The following ZBTB41 variants were observed in gnomAD, a reference collection of about 807,000 sequenced individuals.
The protein encoded by ZBTB41 is zinc finger and BTB domain containing 41.
Under a neutral mutation model 87.6 loss-of-function variants are expected in ZBTB41, and 42 were observed. The observed-to-expected ratio is 0.48, with a 90% CI of 0.37 to 0.62. ZBTB41 has a LOEUF of 0.62. ZBTB41 is among the 20% of genes least tolerant of loss of function. The pLI, the probability that ZBTB41 is intolerant of heterozygous loss-of-function variation, is 0.00. For synonymous variants in ZBTB41, 364 were observed against 364.0 expected (o/e 1.00, Z 0.00); for missense variants, 799 against 1,078.9 (o/e 0.74, Z 3.63).
chr1:197,171,413 T>C (rs1208510164), intron 10 of ZBTB41, among the ~76,000 whole-genome samples: 1 of 152,070 alleles, frequency 6.6e-6, no homozygotes, highest in Non-Finnish European at 1.5e-5. Flanking sequence ...CTTATTTTTC[T>C]CTTCCAGAAT....
intron 2 of ZBTB41, among the ~76,000 whole-genome samples, chr1:197,195,043 A>C (rs1660130750): frequency 2.0e-5 from 3 of 152,202 alleles, no homozygotes. Context: ...CTCAGCACAA[A>C]CAGTAAACAT....
chr1:197,193,888 A>ATT (rs1414278114), intron 2 of ZBTB41, among the ~76,000 whole-genome samples: 1 of 152,202 alleles, frequency 6.6e-6, no homozygotes, highest in East Asian at 1.9e-4. Context: ...ATACAGTCTG[A>ATT]TTTTTTAATA....
Position 197,199,367 on chromosome 1 carries a change from T to C in ZBTB41, c.1107A>G (p.Thr369=), listed in dbSNP as rs1483502369. The C allele has an allele frequency of 1.3e-6, 2 of 1,512,816 alleles. No individual in the cohort carries two copies. Among genetic ancestry groups the C allele is most frequent in the African/African-American group, 1.4e-5 (1 of 71,004 alleles). The allele number at this position is 1,512,816 out of a possible 1,614,324, so 93.7% of individuals were successfully genotyped here. The change falls in exon 2 of 11, where the codon ACA becomes ACG. Residue 369 remains threonine, a synonymous_variant. Coordinates refer to ENST00000367405, the MANE Select transcript of ZBTB41 (RefSeq NM_194314.3). ...KILQCPKCDK[T]FDRIGKYESH... ...TTCTTTTCTTACCTATTCGGTCAAA[T>C]GTTTTATCACATTTAGGACACTGCA...
intron 10 of ZBTB41, among the ~76,000 whole-genome samples, chr1:197,161,717 AGAT>A (rs1175987243): frequency 6.6e-6 from 1 of 152,180 alleles, no homozygotes; most frequent in Non-Finnish European, 1.5e-5. Flanking sequence ...CTATAATCAG[AGAT>A]AATAAGGAAA....
intron 2 of ZBTB41, among the ~76,000 whole-genome samples, chr1:197,192,652 CTT>C (rs1451474530): frequency 6.6e-6 from 1 of 151,966 alleles, no homozygotes; most frequent in Non-Finnish European, 1.5e-5. Flanking sequence ...AAAGGTAACT[CTT>C]AATTAAAAAC....
chr1:197,163,379 A>ATTTT (rs1659244493), intron 10 of ZBTB41, among the ~76,000 whole-genome samples: 1 of 152,104 alleles, frequency 6.6e-6, no homozygotes, highest in Non-Finnish European at 1.5e-5. Flanking sequence ...CTGGGACATC[A>ATTTT]AAATCAATAT....
intron 2 of ZBTB41, among the ~76,000 whole-genome samples, chr1:197,198,896 T>G (rs1294798792): frequency 6.6e-6 from 1 of 152,138 alleles, no homozygotes; most frequent in Non-Finnish European, 1.5e-5. Context: ...AAACATCCCC[T>G]TTCTATTAAA....
intron 10 of ZBTB41, among the ~76,000 whole-genome samples, chr1:197,165,055 A>C (rs965328690): frequency 6.7e-6 from 1 of 148,598 alleles, no homozygotes; most frequent in Admixed American, 6.8e-5. Flanking sequence ...TCATGGTTAC[A>C]GTAGAGATTT....
At chr1:197,177,229 T>G (rs935789227) in intron 7 of ZBTB41, among the ~76,000 whole-genome samples, 4 of 152,106 alleles carry the variant, frequency 2.6e-5, no homozygotes, top group African/African-American at 7.2e-5. Context: ...CCCCATGCTG[T>G]TCTTGTAACA....
chr1:197,165,408 G>C (rs2125124296), intron 10 of ZBTB41, among the ~76,000 whole-genome samples: 1 of 152,144 alleles, frequency 6.6e-6, no homozygotes, highest in South Asian at 2.1e-4. Flanking sequence ...AGGAGATCGA[G>C]ACCATCCTGG....
chr1:197,188,854 G>A (rs1659949236), intron 4 of ZBTB41, among the ~76,000 whole-genome samples: 1 of 152,108 alleles, frequency 6.6e-6, no homozygotes, highest in Non-Finnish European at 1.5e-5. Flanking sequence ...CTCTTGAAGT[G>A]GTCAGTCTAA....
chr1:197,157,517 CA>C lies in ZBTB41; in HGVS notation c.*1841del, dbSNP rs1290538677. ...TCAATTTGAAAGACTAACAGACTAACAGTACCTCATATAGTCAACCTCAATC... is the reference window on the plus strand; with the variant it reads ...TCAATTTGAAAGACTAACAGACTAACGTACCTCATATAGTCAACCTCAATC... On this transcript the variant is annotated 3_prime_UTR_variant, in exon 11 of 11. Transcript: ENST00000367405. 6.6e-6 allele frequency: 1 copy of C among 151,938 alleles called. No individual in the cohort carries two copies. Among genetic ancestry groups the C allele is most frequent in the Admixed American group, 6.6e-5 (1 of 15,196 alleles). The allele number at this position is 151,938 out of a possible 1,614,324, so 9.4% of individuals were successfully genotyped here.
chr1:197,170,069 C>G (rs1195693370), intron 10 of ZBTB41, among the ~76,000 whole-genome samples: 3 of 151,910 alleles, frequency 2.0e-5, no homozygotes, highest in Non-Finnish European at 4.4e-5. Flanking sequence ...ATTGTACATA[C>G]TTATTTGAAG....
intron 10 of ZBTB41, among the ~76,000 whole-genome samples, chr1:197,160,266 T>C (rs527679174): frequency 1.3e-5 from 2 of 152,262 alleles, no homozygotes; most frequent in South Asian, 4.1e-4. Context: ...ACCCAACTTC[T>C]ATGCCTAATT....
intron 10 of ZBTB41, among the ~76,000 whole-genome samples, chr1:197,167,771 A>G (rs905330935): frequency 2.0e-5 from 3 of 152,204 alleles, no homozygotes; most frequent in Non-Finnish European, 4.4e-5. Flanking sequence ...CAAAAAACCT[A>G]TAAAAAATAT....
chr1:197,182,687 T>C (rs1017659322), intron 5 of ZBTB41, among the ~76,000 whole-genome samples: 7 of 152,306 alleles, frequency 4.6e-5, no homozygotes, highest in African/African-American at 1.7e-4. Context: ...TCTTTCCCTC[T>C]GATTTAACAG....
At chr1:197,197,192 T>A (rs975455099) in intron 2 of ZBTB41, among the ~76,000 whole-genome samples, 13 of 152,008 alleles carry the variant, frequency 8.6e-5, no homozygotes, top group African/African-American at 3.1e-4. Context: ...ATTAGCATCA[T>A]CTCACTTTAC....
At chr1:197,168,319 G>A (rs1035307644) in intron 10 of ZBTB41, among the ~76,000 whole-genome samples, 1 of 152,012 alleles carries the variant, frequency 6.6e-6, no homozygotes, top group African/African-American at 2.4e-5. Flanking sequence ...TTAAGGAAAC[G>A]TTGACCACAG....
At chr1:197,162,638 T>A (rs1659228829) in intron 10 of ZBTB41, among the ~76,000 whole-genome samples, 1 of 152,098 alleles carries the variant, frequency 6.6e-6, no homozygotes, top group African/African-American at 2.4e-5. Context: ...AAGGGAAAGA[T>A]AAAAGATTTT....
Sources: gnomAD v4.1 joint callset for allele counts (sites outside exome capture counted in the v4.1 genomes callset) on GRCh38, gnomAD v4.1.1 for gene constraint, MANE v1.5 for transcripts, NCBI Gene and HGNC (gene_info 2026-07-23, HGNC 2026-07-21) for gene names.